Variants in NEB observed in about 807,000 individuals in gnomAD.
NEB encodes the protein nebulin.
Under a neutral mutation model 952.2 loss-of-function variants are expected in NEB, and 512 were observed. The ratio of observed to expected loss-of-function variants is 0.54; its 90% CI spans 0.50 to 0.58. The LOEUF (loss-of-function observed/expected upper bound fraction) is 0.58. Ranked by LOEUF, NEB falls within the 20% of genes least tolerant of loss-of-function variation. The pLI is 0.00. For synonymous variants in NEB, 2,900 were observed against 3,149.8 expected, an observed-to-expected ratio of 0.92 and a Z score of 2.66; for missense variants, 8,428 against 9,231.1, an observed-to-expected ratio of 0.91 and a Z score of 3.56.
intron 135 of NEB, among the ~76,000 whole-genome samples, chr2:151,542,156 C>T (rs1285177773): frequency 6.6e-6 from 1 of 152,192 alleles, no homozygotes; most frequent in African/African-American, 2.4e-5. Flanking sequence ...CCTGAAAACT[C>T]TCTTCTCTGG....
At position 151,548,410 on chromosome 2, in the gene NEB, C is replaced by T; in HGVS notation, c.20055G>A (p.Lys6685=). 1 of 1,610,184 alleles carries T rather than the reference C, an allele frequency of 6.2e-7. No homozygotes were observed. The highest frequency in any genetic ancestry group is 1.1e-5 in the South Asian group (1 of 90,968). The change falls in exon 131 of 182, where the codon AAG becomes AAA. Residue 6685 remains lysine (K), a synonymous_variant. Coordinates refer to ENST00000397345, the MANE Select transcript of NEB (RefSeq NM_001164508.2). ...TGGTGTGTTCATAGGCTTCTTTGTA[C>T]TTGAACTGCAAAAGCAAAGTCAGAA... ...KDTRYMSSYF[K]YKEAYEHTKA... is the part of the protein sequence containing the mutation.
intron 36 of NEB, 46 bp from the exon 37 acceptor site, chr2:151,672,726 AT>A (rs2099315474): frequency 6.8e-7 from 1 of 1,468,826 alleles, no homozygotes; most frequent in African/African-American, 1.4e-5. Flanking sequence ...CATTGATAGC[AT>A]TAGCGCTGCA....
chr2:151,674,663 C>T, intron 35 of NEB, 79 bp from the exon 36 acceptor site: 1 of 1,129,722 alleles, frequency 8.9e-7, no homozygotes, highest in Admixed American at 1.9e-5. Flanking sequence ...CTTTTCCAGA[C>T]AGAAGTTGAA....
chr2:151,594,471 A>G (rs1458072569), intron 92 of NEB, among the ~76,000 whole-genome samples, 153 bp from the exon 93 acceptor site: 1 of 151,436 alleles, frequency 6.6e-6, no homozygotes, highest in Non-Finnish European at 1.5e-5. Context: ...ACTTTAAAGG[A>G]ATTAGATAAT....
At chr2:151,494,391 A>ATGTT (rs1346250349) in intron 173 of NEB, 138 bp from the exon 174 acceptor site, 4 of 656,804 alleles carry the variant, frequency 6.1e-6, no homozygotes, top group Non-Finnish European at 1.1e-5. Flanking sequence ...GGAAAGTAGT[A>ATGTT]TGTTTCCTAA....
intron 124 of NEB, among the ~76,000 whole-genome samples, chr2:151,559,750 T>G (rs1159189266): frequency 6.6e-6 from 1 of 152,006 alleles, no homozygotes; most frequent in Non-Finnish European, 1.5e-5. Context: ...TGAGAACACA[T>G]GGACACAGGG....
chr2:151,563,713 A>G lies in NEB; in HGVS notation c.18586T>C (p.Tyr6196His). ...HADLVNSELK[Y>H]KETYEKQKGH... ...TTCTGCTTCTCATATGTCTCTTTGT[A>G]TTTAAGCTGTAAAGTGGGTTAAACA... Residue 6196 changes from tyrosine (Y) to histidine (H), a missense_variant, in exon 119 of 182, where the codon TAC (tyrosine) becomes CAC (histidine). Physicochemically the swap from Tyr to His is moderately conservative, Grantham distance 83 (BLOSUM62 2). This residue lies in a region of NEB where 3,374 missense variants were observed against 3,651.5 expected (regional missense o/e 0.92). Transcript: ENST00000397345. The G allele has an allele frequency of 1.2e-6, 2 of 1,613,344 alleles. No homozygotes were observed. The highest frequency in any genetic ancestry group is 1.7e-6 in the Non-Finnish European group (2 of 1,179,346).
At position 151,669,015 on chromosome 2, in the gene NEB, C is replaced by T. The variant is rs1559049167; in HGVS notation, c.4611+12G>A. Reference sequence around the variant, plus strand: ...CCGCATACGCAATATTAGCACTGGGCCAAATACTCACATCACTCATGTTGA... The same window carrying T: ...CCGCATACGCAATATTAGCACTGGGTCAAATACTCACATCACTCATGTTGA... On this transcript the variant is annotated intron_variant, in intron 39 of 181. Transcript: ENST00000397345. 1 of 1,557,916 alleles carries T rather than the reference C, an allele frequency of 6.4e-7. No individual in the cohort carries two copies. The highest frequency in any genetic ancestry group is 1.4e-5 in the African/African-American group (1 of 73,948).
intron 161 of NEB, among the ~76,000 whole-genome samples, chr2:151,509,188 A>G (rs1328083686): frequency 2.0e-5 from 3 of 152,202 alleles, no homozygotes; most frequent in Non-Finnish European, 4.4e-5. Context: ...CCAATGAGAG[A>G]TGTAGGCCTA....
chr2:151,694,407 GT>G lies in NEB; in HGVS notation c.1811del (p.Asn604ThrfsTer5). On this transcript the variant is annotated frameshift_variant, in exon 20 of 182. Coordinates refer to ENST00000397345, the MANE Select transcript of NEB (RefSeq NM_001164508.2). LOFTEE classifies it high-confidence loss of function. ...DVMYKKDYEK[N>X]KGKMIGVLSI... ...TGAGGACTCCAATCATTTTCCCTTT[GT>G]TTTTTTCATAGTCTTTCTTGTACAT... The G allele has an allele frequency of 6.2e-7, 1 of 1,613,814 alleles. No homozygotes were observed. The highest frequency in any genetic ancestry group is 8.5e-7 in the Non-Finnish European group (1 of 1,179,848).
chr2:151,540,589 T>G, intron 137 of NEB, 108 bp downstream of exon 137: 1 of 1,141,818 alleles, frequency 8.8e-7, no homozygotes, highest in Non-Finnish European at 1.3e-6. Context: ...TTGATGATGC[T>G]GAGCACCATT....
chr2:151,563,515 T>G, intron 119 of NEB, 91 bp downstream of exon 119: 1 of 1,120,366 alleles, frequency 8.9e-7, no homozygotes, highest in South Asian at 1.3e-5. Context: ...ATTTCCCAGC[T>G]AACCTGAACC....
At chr2:151,554,073 G>C (rs2095488618) in intron 125 of NEB, 48 bp from the exon 126 acceptor site, 2 of 1,570,164 alleles carry the variant, frequency 1.3e-6, no homozygotes, top group Non-Finnish European at 8.8e-7. Context: ...TTGTGCCAAG[G>C]CATCATGGCC....
chr2:151,708,850 C>T (rs985475082), intron 12 of NEB, among the ~76,000 whole-genome samples: 2 of 152,216 alleles, frequency 1.3e-5, no homozygotes, highest in Non-Finnish European at 2.9e-5. Flanking sequence ...GACCAAAACC[C>T]GTGTCATCCA....
intron 125 of NEB, among the ~76,000 whole-genome samples, chr2:151,554,262 TA>T (rs1458935545): frequency 6.6e-6 from 1 of 152,128 alleles, no homozygotes; most frequent in African/African-American, 2.4e-5. Flanking sequence ...TATGCATTGG[TA>T]AATAGAAAAT....
chr2:151,620,115 T>C (rs1163007052), intron 72 of NEB, among the ~76,000 whole-genome samples: 2 of 152,052 alleles, frequency 1.3e-5, no homozygotes, highest in African/African-American at 2.4e-5. Context: ...ACATGGATCA[T>C]TAAAATTTTC....
chr2:151,557,601 T>C (rs1270868808), intron 124 of NEB, among the ~76,000 whole-genome samples: 1 of 152,154 alleles, frequency 6.6e-6, no homozygotes, highest in Non-Finnish European at 1.5e-5. Context: ...CTGATGAACA[T>C]CGATGTGAAA....
chr2:151,692,924 C>T (rs942412247), intron 20 of NEB, among the ~76,000 whole-genome samples: 6 of 151,982 alleles, frequency 3.9e-5, no homozygotes, highest in Admixed American at 2.0e-4. Flanking sequence ...GAGCCGAGAT[C>T]GTGACACTGC....
chr2:151,616,047 G>A lies in NEB; in HGVS notation c.11244C>T (p.Ala3748=). 1 of 1,613,134 alleles carries A rather than the reference G, an allele frequency of 6.2e-7. No individual in the cohort carries two copies. The highest frequency in any genetic ancestry group is 8.5e-7 in the Non-Finnish European group (1 of 1,179,602). ...AAGCCTTGGCTGCTTGGATTGGAAT[G>A]GCATCCAGACGCAAGTCATAGCCTT... ...KKEGYDLRLD[A]IPIQAAKASR... The change falls in exon 76 of 182, where the codon GCC becomes GCT. Residue 3748 remains alanine (A), a synonymous_variant. Transcript: ENST00000397345.
Sources: gnomAD v4.1 joint callset for allele counts (sites outside exome capture counted in the v4.1 genomes callset) on GRCh38, gnomAD v4.1.1 for gene constraint, gnomAD v4.1.1 regional missense constraint, MANE v1.5 for transcripts, NCBI Gene and HGNC (gene_info 2026-07-23, HGNC 2026-07-21) for gene names.